GALNT17: variants seen among roughly 807,000 people sequenced by gnomAD.
The protein encoded by GALNT17 is polypeptide N-acetylgalactosaminyltransferase 17, also known as UDP-GalNAc:polypeptide N-acetylgalactosaminyltransferase-like 3.
Under a neutral mutation model 63.7 loss-of-function variants are expected in GALNT17, and 29 were observed. The ratio of observed to expected loss-of-function variants is 0.46; its 90% CI spans 0.34 to 0.62. The LOEUF is 0.62. Among genes scored for constraint, GALNT17 ranks in the 20% least tolerant of loss-of-function variants. The pLI, the probability that GALNT17 is intolerant of heterozygous loss-of-function variation, is 0.01. For synonymous variants in GALNT17, 305 were observed against 318.3 expected (o/e 0.96, Z 0.45); for missense variants, 603 against 799.6 (o/e 0.75, Z 2.97).
At chr7:71,609,009 G>A (rs530469946) in intron 6 of GALNT17, among the ~76,000 whole-genome samples, 1 of 148,218 alleles carries the variant, frequency 6.7e-6, no homozygotes, top group South Asian at 2.1e-4. Context: ...TCAAACTCCT[G>A]GGCTCAAGTG....
At chr7:71,688,223 C>T (rs1791390513) in intron 9 of GALNT17, among the ~76,000 whole-genome samples, 1 of 152,190 alleles carries the variant, frequency 6.6e-6, no homozygotes. Flanking sequence ...TACCTCGTTG[C>T]ATGCAGATAG....
At position 71,332,918 on chromosome 7, in the gene GALNT17, C is replaced by T. The variant is rs35301566; in HGVS notation, c.239-2632C>T. Reference sequence around the variant, plus strand: ...GGCCAGGCTGGTCCCGAACTCCTGACCTCAAGTGATCCGCCCACCTCAGCC... The same window carrying T: ...GGCCAGGCTGGTCCCGAACTCCTGATCTCAAGTGATCCGCCCACCTCAGCC... On this transcript the variant is annotated intron_variant, in intron 1 of 10. Coordinates refer to ENST00000333538, the MANE Select transcript of GALNT17 (RefSeq NM_022479.3). Among the ~76,000 whole-genome samples, 1,383 of 152,252 alleles carry T rather than the reference C, an allele frequency of 9.1e-3. 12 individuals carry two copies. The highest frequency in any genetic ancestry group is 0.015 in the Non-Finnish European group (1,005 of 68,022).
chr7:71,660,544 G>T (rs757527002), intron 6 of GALNT17, among the ~76,000 whole-genome samples: 1 of 152,206 alleles, frequency 6.6e-6, no homozygotes, highest in Non-Finnish European at 1.5e-5. Flanking sequence ...AGATCCGCAG[G>T]ACCCTTTCTT....
chr7:71,346,101 G>A (rs1792091138), intron 2 of GALNT17, among the ~76,000 whole-genome samples: 1 of 151,848 alleles, frequency 6.6e-6, no homozygotes, highest in Admixed American at 6.6e-5. Context: ...GCTGAAGTGG[G>A]GGGATTGCTT....
intron 5 of GALNT17, among the ~76,000 whole-genome samples, chr7:71,570,292 C>T (rs548261611): frequency 6.6e-6 from 1 of 152,276 alleles, no homozygotes; most frequent in South Asian, 2.1e-4. Context: ...GGGCTGAGGT[C>T]ATGCCCTTGC....
At chr7:71,175,703 G>A (rs527960649) in intron 1 of GALNT17, among the ~76,000 whole-genome samples, 4 of 152,130 alleles carry the variant, frequency 2.6e-5, no homozygotes, top group Non-Finnish European at 5.9e-5. Context: ...TAGTGATTAT[G>A]TCTCTGTAAC....
chr7:71,634,763 AAAAAAGAAAAAAG>A (rs907376409), intron 6 of GALNT17, among the ~76,000 whole-genome samples: 2 of 151,442 alleles, frequency 1.3e-5, no homozygotes, highest in African/African-American at 4.9e-5. Context: ...CAAAAAAAAA[AAAAAAGAAAAAAG>A]AAAAAGAAAA....
chr7:71,335,878 C>T (rs1791891757), intron 2 of GALNT17, 145 bp downstream of exon 2: 1 of 685,032 alleles, frequency 1.5e-6, no homozygotes. Flanking sequence ...AAACTTAGTA[C>T]TCCTGTTGCA....
chr7:71,137,324 A>G (rs1169994872), intron 1 of GALNT17, among the ~76,000 whole-genome samples: 1 of 151,538 alleles, frequency 6.6e-6, no homozygotes, highest in East Asian at 2.0e-4. Flanking sequence ...TATTTTTAGT[A>G]GAGACGGGGT....
rs563396067 is a variant in GALNT17, at chr7:71,457,632, G to A, written c.962+36527G>A. Among the ~76,000 whole-genome samples the A allele has an allele frequency of 8.5e-5, 13 of 152,254 alleles. No homozygotes were observed. The South Asian group carries it at 2.7e-3, about 32-fold the overall frequency. On this transcript the variant is annotated intron_variant, in intron 5 of 10. Transcript: ENST00000333538. ...TTTACACCATATAGGGTAATTTGCT[G>A]TCATTACCATGGCATTTGTAAACTG...
intron 3 of GALNT17, among the ~76,000 whole-genome samples, chr7:71,403,205 A>T (rs1409193259): frequency 6.6e-6 from 1 of 152,240 alleles, no homozygotes; most frequent in East Asian, 1.9e-4. Context: ...AACCCTTTTT[A>T]GTTCAAACTA....
At chr7:71,684,520 G>A (rs1370550763) in intron 9 of GALNT17, among the ~76,000 whole-genome samples, 1 of 151,978 alleles carries the variant, frequency 6.6e-6, no homozygotes, top group Non-Finnish European at 1.5e-5. Flanking sequence ...CCCTGCCTAG[G>A]GACAGCTCTG....
intron 5 of GALNT17, among the ~76,000 whole-genome samples, chr7:71,442,928 A>G (rs568363045): frequency 3.4e-4 from 52 of 152,290 alleles, no homozygotes; most frequent in East Asian, 2.5e-3. Context: ...ATGAAGTTCA[A>G]TGGACTCCCA....
chr7:71,286,311 A>C (rs1790871842), intron 1 of GALNT17, among the ~76,000 whole-genome samples: 1 of 152,166 alleles, frequency 6.6e-6, no homozygotes, highest in African/African-American at 2.4e-5. Context: ...GAGTGAAGGA[A>C]CCCTGGGTGT....
chr7:71,471,057 T>C (rs949743370), intron 5 of GALNT17, among the ~76,000 whole-genome samples: 4 of 151,884 alleles, frequency 2.6e-5, no homozygotes, highest in Non-Finnish European at 5.9e-5. Context: ...GAGCTCAGCA[T>C]TTTTTTTCCT....
chr7:71,550,381 T>C (rs1047124216), intron 5 of GALNT17, among the ~76,000 whole-genome samples: 5 of 150,028 alleles, frequency 3.3e-5, no homozygotes, highest in Non-Finnish European at 7.4e-5. Context: ...TTTTTGTGTG[T>C]GTTTTTTTTG....
chr7:71,194,701 A>C (rs1026361064), intron 1 of GALNT17, among the ~76,000 whole-genome samples: 2 of 152,130 alleles, frequency 1.3e-5, no homozygotes, highest in African/African-American at 2.4e-5. Flanking sequence ...GGGTTCTTGG[A>C]TATGATCTTC....
chr7:71,702,129 A>G (rs1045836963), intron 9 of GALNT17, among the ~76,000 whole-genome samples: 1 of 151,780 alleles, frequency 6.6e-6, no homozygotes, highest in Non-Finnish European at 1.5e-5. Flanking sequence ...GGACTACCAG[A>G]GTAGAGAGAG....
At chr7:71,246,123 T>G (rs199745785) in intron 1 of GALNT17, among the ~76,000 whole-genome samples, 11,090 of 135,944 alleles carry the variant, frequency 0.082, 638 homozygotes, top group East Asian at 0.32. Context: ...TTGTTTTTTT[T>G]TTTTTTTTTT....
Sources: gnomAD v4.1 joint callset for allele counts (sites outside exome capture counted in the v4.1 genomes callset) on GRCh38, gnomAD v4.1.1 for gene constraint, MANE v1.5 for transcripts, NCBI Gene and HGNC (gene_info 2026-07-23, HGNC 2026-07-21) for gene names.